Variants in PRDM16 observed in about 807,000 individuals in gnomAD.
PRDM16 encodes histone-lysine N-methyltransferase PRDM16.
A neutral mutation model predicts 110.6 loss-of-function variants in PRDM16; 23 were observed. That is an observed-to-expected ratio of 0.21 (90% CI 0.15 to 0.29). The LOEUF (loss-of-function observed/expected upper bound fraction) is 0.29, where lower values mean the gene tolerates loss of function less well. Among genes scored for constraint, PRDM16 ranks in the 10% least tolerant of loss-of-function variants. The pLI, the probability that PRDM16 is intolerant of heterozygous loss-of-function variation, is 1.00. For synonymous variants in PRDM16, 799 were observed against 781.8 expected, an observed-to-expected ratio of 1.02 and a Z score of -0.37; for missense variants, 1,615 against 1,794.3, an observed-to-expected ratio of 0.90 and a Z score of 1.81.
In PRDM16 at chr1:3,162,532, C is replaced by T. The variant is rs987546712; in HGVS notation, c.38-23593C>T. 2.0e-5 allele frequency among the ~76,000 whole-genome samples: 3 copies of T among 152,068 alleles called. 1 individual carries two copies. The highest frequency in any genetic ancestry group is 4.1e-4 in the South Asian group (2 of 4,826). Reference sequence around the variant, plus strand: ...GCTGAGGTCGCAGGCCCACGAAGGTCGTCATTACGGATTTATTAACCCCCT... The same window carrying T: ...GCTGAGGTCGCAGGCCCACGAAGGTTGTCATTACGGATTTATTAACCCCCT... On this transcript the variant is annotated intron_variant, in intron 1 of 16. Transcript: ENST00000270722.
chr1:3,324,017 G>A (rs1363921632), intron 3 of PRDM16, among the ~76,000 whole-genome samples: 2 of 152,186 alleles, frequency 1.3e-5, no homozygotes, highest in Non-Finnish European at 2.9e-5. Context: ...GCAGGGGTGG[G>A]GGCTGCCACC....
chr1:3,223,615 G>A (rs1434515377), intron 2 of PRDM16, among the ~76,000 whole-genome samples: 2 of 152,186 alleles, frequency 1.3e-5, no homozygotes, highest in African/African-American at 4.8e-5. Context: ...TCCAAAGCCT[G>A]CTTTACCTCT....
At chr1:3,118,083 A>G (rs1020115869) in intron 1 of PRDM16, among the ~76,000 whole-genome samples, 3 of 147,570 alleles carry the variant, frequency 2.0e-5, no homozygotes, top group South Asian at 2.1e-4. Context: ...GTGTGCGTGC[A>G]TGTGTATGTG....
chr1:3,421,487 C>T (rs757070336), intron 12 of PRDM16, among the ~76,000 whole-genome samples: 3 of 152,236 alleles, frequency 2.0e-5, no homozygotes, highest in Admixed American at 6.5e-5. Context: ...TTATTTACAA[C>T]GCAGACCCCA....
At position 3,181,135 on chromosome 1, in the gene PRDM16, CGCGG is replaced by C. The variant is rs1436033355; in HGVS notation, c.38-4989_38-4986del. 6.0e-3 allele frequency among the ~76,000 whole-genome samples: 842 copies of C among 141,472 alleles called. 65 individuals carry two copies. Among genetic ancestry groups the C allele is most frequent in the East Asian group, 0.056 (254 of 4,510 alleles). The allele number at this position is 141,472 out of a possible 152,430, so 92.8% of individuals were successfully genotyped here. ...GCGGCCTTACACACGCAGTCTTACA[CGCGG>C]TCTTACACACGCAGTCTTACACGCG... On this transcript the variant is annotated intron_variant, in intron 1 of 16. Transcript: ENST00000270722.
intron 3 of PRDM16, among the ~76,000 whole-genome samples, chr1:3,286,252 TG>T (rs914190823): frequency 5.9e-5 from 9 of 152,282 alleles, no homozygotes; most frequent in African/African-American, 2.2e-4. Flanking sequence ...GCAAGTTGTG[TG>T]GGTAATGGGA....
intron 1 of PRDM16, among the ~76,000 whole-genome samples, chr1:3,076,636 A>G (rs1024455131): frequency 2.1e-4 from 32 of 152,190 alleles, no homozygotes; most frequent in African/African-American, 7.0e-4. Context: ...GGGCATTAAC[A>G]GGAAGGAAAG....
intron 2 of PRDM16, among the ~76,000 whole-genome samples, chr1:3,223,134 A>C: frequency 8.9e-6 from 1 of 112,502 alleles, no homozygotes; most frequent in Non-Finnish European, 1.6e-5. Flanking sequence ...TTTTTGAGAC[A>C]GAGTCTTGCT....
At chr1:3,306,464 G>T (rs1641315189) in intron 3 of PRDM16, among the ~76,000 whole-genome samples, 1 of 152,192 alleles carries the variant, frequency 6.6e-6, no homozygotes, top group African/African-American at 2.4e-5. Context: ...GGTTCTGGAA[G>T]GACGAACTTC....
At chr1:3,393,287 T>A (rs764944390) in intron 4 of PRDM16, among the ~76,000 whole-genome samples, 1 of 150,406 alleles carries the variant, frequency 6.6e-6, no homozygotes, top group Non-Finnish European at 1.5e-5. Flanking sequence ...AATATACTGT[T>A]CTTCTTCCTT....
intron 1 of PRDM16, among the ~76,000 whole-genome samples, chr1:3,084,212 G>A (rs565362505): frequency 5.3e-5 from 8 of 152,302 alleles, no homozygotes; most frequent in East Asian, 1.9e-4. Context: ...GCCCTGGGGC[G>A]TCTGGGGGCC....
intron 1 of PRDM16, among the ~76,000 whole-genome samples, chr1:3,181,074 GGTCTTACACA>G (rs1644155559): frequency 6.6e-5 from 3 of 45,260 alleles, no homozygotes; most frequent in Non-Finnish European, 1.9e-4. Flanking sequence ...TTACACACCC[GGTCTTACACA>G]CGGCCTTACA....
intron 1 of PRDM16, among the ~76,000 whole-genome samples, chr1:3,083,387 G>T (rs1396774852): frequency 1.3e-5 from 2 of 152,246 alleles, no homozygotes; most frequent in Non-Finnish European, 2.9e-5. Flanking sequence ...CGCTGGCGGG[G>T]CCTGCTGTGT....
At chr1:3,409,858 GGT>G in intron 8 of PRDM16, among the ~76,000 whole-genome samples, 1 of 146,120 alleles carries the variant, frequency 6.8e-6, no homozygotes, top group South Asian at 2.2e-4. Flanking sequence ...GTGTGTGTGT[GGT>G]GTTTGTGTGC....
intron 14 of PRDM16, 58 bp from the exon 15 acceptor site, chr1:3,430,814 G>A: frequency 6.3e-7 from 1 of 1,592,940 alleles, no homozygotes; most frequent in Non-Finnish European, 8.6e-7. Context: ...GCCTTTGGGG[G>A]TCCATGGGAA....
chr1:3,166,696 C>T (rs934172536), intron 1 of PRDM16, among the ~76,000 whole-genome samples: 3 of 152,138 alleles, frequency 2.0e-5, no homozygotes, highest in Non-Finnish European at 2.9e-5. Flanking sequence ...CCAGGGATGA[C>T]GGCTGGAAAG....
At chr1:3,389,094 G>A (rs1041954808) in intron 4 of PRDM16, among the ~76,000 whole-genome samples, 5 of 152,066 alleles carry the variant, frequency 3.3e-5, no homozygotes, top group Admixed American at 1.3e-4. Context: ...CCCCTAACAC[G>A]CCCCAAGACA....
intron 1 of PRDM16, among the ~76,000 whole-genome samples, chr1:3,165,187 G>T (rs571207185): frequency 6.6e-5 from 10 of 152,326 alleles, no homozygotes; most frequent in African/African-American, 2.4e-4. Context: ...CTAGGCCCAG[G>T]GACAGGGACT....
chr1:3,338,624 G>A (rs902991759), intron 3 of PRDM16, among the ~76,000 whole-genome samples: 2 of 152,104 alleles, frequency 1.3e-5, no homozygotes, highest in African/African-American at 4.8e-5. Flanking sequence ...CTCCACCTCC[G>A]GCCTGATAAC....
Sources: allele counts gnomAD v4.1 joint callset (sites outside exome capture counted in the v4.1 genomes callset), GRCh38; gene constraint gnomAD v4.1.1; transcripts MANE v1.5; gene names NCBI Gene and HGNC (gene_info 2026-07-23, HGNC 2026-07-21).